DEPDC5: variants seen among roughly 807,000 people sequenced by gnomAD.
DEPDC5 encodes DEP domain containing 5, GATOR1 subcomplex subunit, also known as GATOR1 complex protein DEPDC5.
DEPDC5 carries 73 observed loss-of-function variants against 217.3 expected under a neutral mutation model. The observed-to-expected ratio is 0.34, with a 90% CI of 0.28 to 0.41. The LOEUF is 0.41. DEPDC5 is among the 10% of genes least tolerant of loss of function. The probability of loss-of-function intolerance (pLI) is 1.00; values close to 1 mark genes in which losing one functional copy is unlikely to be tolerated. For missense variants in DEPDC5, 1,675 were observed against 2,070.1 expected, an observed-to-expected ratio of 0.81 and a Z score of 3.70; for synonymous variants, 733 against 756.7, an observed-to-expected ratio of 0.97 and a Z score of 0.51.
intron 33 of DEPDC5, among the ~76,000 whole-genome samples, chr22:31,869,786 G>T (rs977018704): frequency 6.6e-5 from 10 of 152,134 alleles, no homozygotes; most frequent in Admixed American, 5.2e-4. Context: ...TTTCAGTGTG[G>T]TGGTTCATGG....
intron 31 of DEPDC5, among the ~76,000 whole-genome samples, chr22:31,857,112 T>C (rs1602468275): frequency 1.3e-5 from 2 of 152,202 alleles, no homozygotes; most frequent in East Asian, 3.9e-4. Context: ...AAATAAAAAT[T>C]GAGAAAAAAG....
chr22:31,859,659 C>G (rs1368883788), intron 32 of DEPDC5, among the ~76,000 whole-genome samples: 2 of 150,912 alleles, frequency 1.3e-5, no homozygotes, highest in Admixed American at 6.6e-5. Flanking sequence ...TCCCAAAGTG[C>G]TGGGATTACA....
intron 22 of DEPDC5, among the ~76,000 whole-genome samples, chr22:31,820,537 C>A (rs2089588448): frequency 6.6e-6 from 1 of 152,154 alleles, no homozygotes; most frequent in Non-Finnish European, 1.5e-5. Context: ...AATCATTTGG[C>A]TGTAACTGGG....
At position 31,778,437 on chromosome 22, in the gene DEPDC5, C is replaced by T. The variant is rs1466465091; in HGVS notation, c.483+269C>T. Among the ~76,000 whole-genome samples, 3 of 152,158 alleles carry T rather than the reference C, an allele frequency of 2.0e-5. No homozygotes were observed. In the East Asian group the frequency reaches 5.8e-4, roughly 29 times the overall value. On this transcript the variant is annotated intron_variant, in intron 8 of 42. Transcript: ENST00000651528. Reference sequence around the variant, plus strand: ...CTAGGAGTTCGAAGCTGCAGTGGGTCATGATTGCATCACTGCACTCCAGCC... The same window carrying T: ...CTAGGAGTTCGAAGCTGCAGTGGGTTATGATTGCATCACTGCACTCCAGCC...
intron 19 of DEPDC5, 59 bp from the exon 20 acceptor site, chr22:31,810,462 C>G: frequency 6.2e-7 from 1 of 1,605,768 alleles, no homozygotes; most frequent in Admixed American, 1.7e-5. Context: ...TGTATTTCAG[C>G]TCTCAGGCAT....
intron 31 of DEPDC5, among the ~76,000 whole-genome samples, chr22:31,851,149 A>C (rs2092007289): frequency 6.6e-6 from 1 of 152,048 alleles, no homozygotes; most frequent in African/African-American, 2.4e-5. Flanking sequence ...CTGGCACTTC[A>C]GAAGGGGCAT....
rs903321339 is a variant in DEPDC5, at chr22:31,777,759, A to G, written c.414-340A>G. 2.6e-5 allele frequency among the ~76,000 whole-genome samples: 4 copies of G among 151,554 alleles called. No individual in the cohort carries two copies. In the East Asian group the frequency reaches 7.8e-4, roughly 30 times the overall value. ...TTTCTTTTTGGTTTGTTTTATTTTT[A>G]TTTTTTGAGACGGAATCTCACTCTG... On this transcript the variant is annotated intron_variant, in intron 7 of 42. Transcript: ENST00000651528.
chr22:31,846,697 C>A, intron 30 of DEPDC5, 137 bp from the exon 31 acceptor site: 1 of 1,230,476 alleles, frequency 8.1e-7, no homozygotes, highest in Non-Finnish European at 1.1e-6. Context: ...ACTTACTGAA[C>A]ACTGAGAACC....
At chr22:31,841,532 T>C (rs2148991478) in intron 27 of DEPDC5, among the ~76,000 whole-genome samples, 1 of 152,366 alleles carries the variant, frequency 6.6e-6, no homozygotes, top group African/African-American at 2.4e-5. Flanking sequence ...GCTCAAGGGC[T>C]CCTTTACAGA....
chr22:31,872,887 T>G (rs550384886), intron 34 of DEPDC5, among the ~76,000 whole-genome samples: 3 of 152,100 alleles, frequency 2.0e-5, no homozygotes, highest in Non-Finnish European at 4.4e-5. Flanking sequence ...CCCAAGTAGC[T>G]GAGACAACAG....
intron 38 of DEPDC5, among the ~76,000 whole-genome samples, chr22:31,892,734 C>T (rs931133284): frequency 2.0e-5 from 3 of 151,946 alleles, no homozygotes; most frequent in Middle Eastern, 3.2e-3. Context: ...TCCACCCCCA[C>T]AACCTGCTGC....
At position 31,784,884 on chromosome 22, in the gene DEPDC5, C is replaced by A; in HGVS notation, c.624+9C>A. Reference sequence around the variant, plus strand: ...TATTTACCAAGTGGAAGGTACATTTCTTCTTACACACTAAGTCTCATTATG... The same window carrying A: ...TATTTACCAAGTGGAAGGTACATTTATTCTTACACACTAAGTCTCATTATG... On this transcript the variant is annotated intron_variant, in intron 10 of 42. Transcript: ENST00000651528. 6.2e-7 allele frequency: 1 copy of A among 1,610,164 alleles called. No homozygotes were observed. The highest frequency in any genetic ancestry group is 2.2e-5 in the East Asian group (1 of 44,722).
chr22:31,898,733 G>A (rs775708182), intron 40 of DEPDC5, among the ~76,000 whole-genome samples: 1 of 152,136 alleles, frequency 6.6e-6, no homozygotes, highest in African/African-American at 2.4e-5. Flanking sequence ...TGTATTTTTT[G>A]TTTGCAGTTT....
At chr22:31,755,150 T>G in intron 2 of DEPDC5, 171 bp downstream of exon 2, 1 of 636,262 alleles carries the variant, frequency 1.6e-6, no homozygotes, top group African/African-American at 1.8e-5. Context: ...AGGACCCTTC[T>G]AATGCATTTG....
At position 31,847,707 on chromosome 22, in the gene DEPDC5, A is replaced by G. The variant is rs148372765; in HGVS notation, c.3155+740A>G. On this transcript the variant is annotated intron_variant, in intron 31 of 42. Coordinates refer to ENST00000651528, the MANE Select transcript of DEPDC5 (RefSeq NM_001242896.3). ...GACACGTGGGGATTATGGGAACCAT[A>G]ACTCAAGATAAGATTTGGGTGGGGA... Among the ~76,000 whole-genome samples the G allele has an allele frequency of 4.6e-5, 7 of 152,304 alleles. No homozygotes were observed. In the South Asian group the frequency reaches 8.3e-4, roughly 18 times the overall value.
chr22:31,844,278 C>T (rs1440907906), intron 29 of DEPDC5, among the ~76,000 whole-genome samples: 2 of 151,938 alleles, frequency 1.3e-5, no homozygotes, highest in Non-Finnish European at 2.9e-5. Context: ...TGACATACCC[C>T]TATAGTCCTA....
At chr22:31,767,243 C>T (rs1171112111) in intron 6 of DEPDC5, among the ~76,000 whole-genome samples, 3 of 151,746 alleles carry the variant, frequency 2.0e-5, no homozygotes, top group Admixed American at 6.6e-5. Context: ...TGGGTTCAAG[C>T]GATTCTCCTG....
intron 38 of DEPDC5, among the ~76,000 whole-genome samples, chr22:31,886,755 CAAAAA>C (rs1224610835): frequency 1.9e-5 from 1 of 52,126 alleles, no homozygotes. Flanking sequence ...GTCTCCATCT[CAAAAA>C]AAAAAAAAAA....
chr22:31,786,403 AAGTT>A (rs1042078868), intron 10 of DEPDC5, among the ~76,000 whole-genome samples: 1 of 151,430 alleles, frequency 6.6e-6, no homozygotes, highest in Admixed American at 6.6e-5. Context: ...AAAATACAAA[AAGTT>A]AGCTGGATGT....
Sources: gnomAD v4.1 joint callset for allele counts (sites outside exome capture counted in the v4.1 genomes callset) on GRCh38, gnomAD v4.1.1 for gene constraint, MANE v1.5 for transcripts, NCBI Gene and HGNC (gene_info 2026-07-23, HGNC 2026-07-21) for gene names.